The following GMPS variants were observed in gnomAD, a reference collection of about 807,000 sequenced individuals.
The protein encoded by GMPS is guanosine monophosphate synthase.
Under a neutral mutation model 77.9 loss-of-function variants are expected in GMPS, and 15 were observed. The ratio of observed to expected loss-of-function variants is 0.19; its 90% CI spans 0.13 to 0.30. The LOEUF is 0.30. GMPS is among the 10% of genes least tolerant of loss of function. The pLI, the probability that GMPS is intolerant of heterozygous loss-of-function variation, is 1.00. For missense variants in GMPS, 590 were observed against 838.8 expected, an observed-to-expected ratio of 0.70 and a Z score of 3.66; for synonymous variants, 224 against 275.9, an observed-to-expected ratio of 0.81 and a Z score of 1.86.
intron 1 of GMPS, among the ~76,000 whole-genome samples, chr3:155,888,677 C>T (rs1754395360): frequency 6.6e-6 from 1 of 151,872 alleles, no homozygotes. Context: ...CCTTCACCTC[C>T]AAGGTTTGAG....
At chr3:155,888,588 ATTT>A (rs1007994217) in intron 1 of GMPS, among the ~76,000 whole-genome samples, 2 of 137,568 alleles carry the variant, frequency 1.5e-5, no homozygotes, top group African/African-American at 2.7e-5. Flanking sequence ...CTCCCAGCTA[ATTT>A]TTTTTTTTTT....
chr3:155,913,666 A>T lies in GMPS; in HGVS notation c.887-753A>T, dbSNP rs116167999. ...CCTCTGAGTAGCTGGGATTGCAGACATGTGCCACTACGCCCCACTAATTTT... is the reference window on the plus strand; with the variant it reads ...CCTCTGAGTAGCTGGGATTGCAGACTTGTGCCACTACGCCCCACTAATTTT... On this transcript the variant is annotated intron_variant, in intron 7 of 15. Coordinates refer to ENST00000496455, the MANE Select transcript of GMPS (RefSeq NM_003875.3). Among the ~76,000 whole-genome samples the T allele has an allele frequency of 9.5e-3, 1,437 of 151,912 alleles. 35 individuals carry two copies. The highest frequency in any genetic ancestry group is 0.034 in the African/African-American group (1,391 of 41,434).
At chr3:155,916,992 T>G (rs78599030) in intron 9 of GMPS, among the ~76,000 whole-genome samples, 1 of 151,912 alleles carries the variant, frequency 6.6e-6, no homozygotes. Context: ...TTTTTTTTTT[T>G]GAGACAGAGT....
At chr3:155,919,075 AG>A (rs1428964006) in intron 9 of GMPS, among the ~76,000 whole-genome samples, 157 bp from the exon 10 acceptor site, 1 of 152,238 alleles carries the variant, frequency 6.6e-6, no homozygotes, top group Admixed American at 6.5e-5. Context: ...AATTCCTTAT[AG>A]GCACTTAGGA....
chr3:155,889,439 G>C (rs762183927), intron 1 of GMPS, among the ~76,000 whole-genome samples: 1 of 152,154 alleles, frequency 6.6e-6, no homozygotes, highest in Non-Finnish European at 1.5e-5. Context: ...CTCCTAGCGC[G>C]CTGCGGTTCT....
Position 155,943,873 on chromosome 3 carries a change from C to T in GMPS, c.*6181C>T, listed in dbSNP as rs1339065071. On this transcript the variant is annotated 3_prime_UTR_variant, in exon 16 of 16. Transcript: ENST00000496455. ...TTCTATATAACAACTTAATTTATTT[C>T]CCTTGCATATATAGTAGGGGTTAAC... 6.5e-6 allele frequency: 1 copy of T among 153,040 alleles called. No homozygotes were observed. Among genetic ancestry groups the T allele is most frequent in the African/African-American group, 2.4e-5 (1 of 41,480 alleles). 9.5% of individuals were successfully genotyped at this position (153,040 alleles called of 1,614,324 possible).
rs1012638025 is a variant in GMPS at position 155,943,420 on chromosome 3, A to G, written c.*5728A>G. The G allele has an allele frequency of 5.5e-6, 1 of 180,256 alleles. No homozygotes were observed. Among genetic ancestry groups the G allele is most frequent in the African/African-American group, 2.4e-5 (1 of 42,516 alleles). The allele number at this position is 180,256 out of a possible 1,614,324, so 11.2% of individuals were successfully genotyped here. ...GAGCAGTATCTTATTCAAGTGGAGT[A>G]TATATCTTCAAGAATACAGATTTTT... On this transcript the variant is annotated 3_prime_UTR_variant, in exon 16 of 16. Transcript: ENST00000496455.
chr3:155,897,312 A>T (rs1754627151), intron 2 of GMPS, among the ~76,000 whole-genome samples: 1 of 152,174 alleles, frequency 6.6e-6, no homozygotes, highest in South Asian at 2.1e-4. Context: ...TCTGCAAATT[A>T]TAAGATAGCT....
chr3:155,937,498 G>C, intron 15 of GMPS, 93 bp from the exon 16 acceptor site: 1 of 666,276 alleles, frequency 1.5e-6, no homozygotes. Flanking sequence ...AGTGAAAATA[G>C]TCAAATTTTA....
chr3:155,936,024 A>T (rs1474995132), intron 14 of GMPS, among the ~76,000 whole-genome samples: 2 of 152,190 alleles, frequency 1.3e-5, no homozygotes, highest in African/African-American at 2.4e-5. Flanking sequence ...ATGGTTCAGT[A>T]TTCGCTAATT....
chr3:155,884,967 G>A (rs1292444835), intron 1 of GMPS, among the ~76,000 whole-genome samples: 2 of 152,174 alleles, frequency 1.3e-5, no homozygotes, highest in Non-Finnish European at 2.9e-5. Context: ...AAGAGAGTCT[G>A]GACTACTTTG....
chr3:155,886,021 A>T (rs1163033381), intron 1 of GMPS, among the ~76,000 whole-genome samples: 4 of 151,986 alleles, frequency 2.6e-5, no homozygotes. Flanking sequence ...AGGTTTTGCC[A>T]CGTTGCCCAG....
chr3:155,902,980 G>C (rs185463393), intron 3 of GMPS, among the ~76,000 whole-genome samples: 5 of 152,316 alleles, frequency 3.3e-5, no homozygotes, highest in Admixed American at 2.0e-4. Flanking sequence ...GGAGAATGTA[G>C]AGGGCACCAT....
upstream of GMPS, among the ~76,000 whole-genome samples, chr3:155,869,793 T>A (rs1343814418): frequency 6.6e-6 from 1 of 152,230 alleles, no homozygotes; most frequent in Non-Finnish European, 1.5e-5. Context: ...AAATGTTGGC[T>A]GTATTATAAT....
chr3:155,933,125 G>C (rs1479835430), intron 13 of GMPS, among the ~76,000 whole-genome samples: 1 of 152,158 alleles, frequency 6.6e-6, no homozygotes, highest in East Asian at 1.9e-4. Context: ...CCGGGAGACA[G>C]AGCTTGCAGT....
chr3:155,893,312 TAA>T (rs1383644961), intron 1 of GMPS, among the ~76,000 whole-genome samples: 1 of 152,200 alleles, frequency 6.6e-6, no homozygotes, highest in Non-Finnish European at 1.5e-5. Context: ...TAAGATTTAT[TAA>T]GTTTAAGTGT....
chr3:155,922,166 T>G (rs1657583804), intron 10 of GMPS, 21 bp from the exon 11 acceptor site: 2 of 910,962 alleles, frequency 2.2e-6, no homozygotes, highest in African/African-American at 1.7e-5. Context: ...TGTTAAATAC[T>G]ATTATTACTC....
At chr3:155,915,891 G>T in intron 8 of GMPS, 128 bp from the exon 9 acceptor site, 1 of 644,298 alleles carries the variant, frequency 1.6e-6, no homozygotes. Flanking sequence ...GTTTATTTTG[G>T]AGATTGGTGG....
At chr3:155,874,371 A>C (rs917991569) in intron 1 of GMPS, among the ~76,000 whole-genome samples, 1 of 152,186 alleles carries the variant, frequency 6.6e-6, no homozygotes, top group South Asian at 2.1e-4. Context: ...TGTGATACAG[A>C]ATCTTTAATG....
Sources: gnomAD v4.1 joint callset for allele counts (sites outside exome capture counted in the v4.1 genomes callset) on GRCh38, gnomAD v4.1.1 for gene constraint, MANE v1.5 for transcripts, NCBI Gene and HGNC (gene_info 2026-07-23, HGNC 2026-07-21) for gene names.